Variants in MEIS2 observed in about 807,000 individuals in gnomAD.
The protein encoded by MEIS2 is Meis homeobox 2.
Under a neutral mutation model 58.6 loss-of-function variants are expected in MEIS2, and 9 were observed. That is an observed-to-expected ratio of 0.15 (90% confidence interval 0.09 to 0.27). The LOEUF is 0.27. Ranked by LOEUF, MEIS2 falls within the 10% of genes least tolerant of loss-of-function variation. MEIS2 has a pLI of 1.00. For synonymous variants in MEIS2, 221 were observed against 228.4 expected, an observed-to-expected ratio of 0.97 and a Z score of 0.29; for missense variants, 427 against 635.0, an observed-to-expected ratio of 0.67 and a Z score of 3.52.
At chr15:37,037,028 A>C (rs2062185660) in intron 7 of MEIS2, 69 bp from the exon 8 acceptor site, 1 of 1,461,256 alleles carries the variant, frequency 6.8e-7, no homozygotes, top group Non-Finnish European at 9.3e-7. Context: ...GCAGCTAATG[A>C]TGAGCTCAGC....
intron 7 of MEIS2, among the ~76,000 whole-genome samples, chr15:37,049,963 A>C (rs1261153086): frequency 6.6e-6 from 1 of 152,174 alleles, no homozygotes; most frequent in Admixed American, 6.6e-5. Flanking sequence ...GTATGGACAA[A>C]TATATGTACT....
intron 8 of MEIS2, among the ~76,000 whole-genome samples, chr15:37,033,742 G>T (rs902908591): frequency 5.9e-5 from 9 of 152,152 alleles, no homozygotes; most frequent in Admixed American, 6.5e-5. Flanking sequence ...GCCTGTTAGT[G>T]CATGTAAGAA....
Position 36,940,207 on chromosome 15 carries a change from C to T in MEIS2, c.977+10117G>A, listed in dbSNP as rs139645651. Among the ~76,000 whole-genome samples, 14 of 152,186 alleles carry T rather than the reference C, an allele frequency of 9.2e-5. No homozygotes were observed. The East Asian group carries it at 2.1e-3, about 23-fold the overall frequency. ...GAAAATCTATCTGAGCCTAATGTAA[C>T]CTAGCAAATCTTTCAAATGAAATAG... On this transcript the variant is annotated intron_variant, in intron 9 of 11. Coordinates refer to ENST00000561208, the MANE Select transcript of MEIS2 (RefSeq NM_170675.5).
At chr15:36,927,490 A>G (rs1595741705) in intron 9 of MEIS2, among the ~76,000 whole-genome samples, 1 of 152,176 alleles carries the variant, frequency 6.6e-6, no homozygotes, top group Non-Finnish European at 1.5e-5. Context: ...TAACATCTAC[A>G]TGTTGTTTAT....
chr15:37,034,820 C>T (rs1265336779), intron 8 of MEIS2, among the ~76,000 whole-genome samples: 3 of 152,232 alleles, frequency 2.0e-5, no homozygotes, highest in East Asian at 3.9e-4. Flanking sequence ...TAAAGGTGAT[C>T]GTCATTTTGG....
intron 9 of MEIS2, among the ~76,000 whole-genome samples, chr15:36,935,576 T>A (rs1013829084): frequency 1.3e-5 from 2 of 152,150 alleles, no homozygotes; most frequent in African/African-American, 4.8e-5. Context: ...AACAGCAATA[T>A]AAAGTTACGT....
rs554349045 is a variant in MEIS2, at chr15:36,914,625, T to C, written c.978-17939A>G. Among the ~76,000 whole-genome samples the C allele has an allele frequency of 2.0e-5, 3 of 152,180 alleles. No individual in the cohort carries two copies. In the South Asian group the frequency reaches 6.2e-4, roughly 32 times the overall value. On this transcript the variant is annotated intron_variant, in intron 9 of 11. Coordinates refer to ENST00000561208, the MANE Select transcript of MEIS2 (RefSeq NM_170675.5). Reference sequence around the variant, plus strand: ...TGGAGAATAAAACCAAAAGCTGAAGTGGAGCCGAGAGGGTGTGGCTTTCAT... The same window carrying C: ...TGGAGAATAAAACCAAAAGCTGAAGCGGAGCCGAGAGGGTGTGGCTTTCAT...
At chr15:37,042,606 T>A (rs1349820091) in intron 7 of MEIS2, among the ~76,000 whole-genome samples, 1 of 152,234 alleles carries the variant, frequency 6.6e-6, no homozygotes, top group Non-Finnish European at 1.5e-5. Flanking sequence ...GTCTGAACAC[T>A]GTTATCAATG....
chr15:36,951,549 A>G (rs535092859), intron 8 of MEIS2, among the ~76,000 whole-genome samples: 2 of 152,224 alleles, frequency 1.3e-5, no homozygotes, highest in East Asian at 1.9e-4. Context: ...TTCATCTTCT[A>G]TAATAGCGTA....
At chr15:37,013,600 T>C (rs1377369189) in intron 8 of MEIS2, among the ~76,000 whole-genome samples, 1 of 148,010 alleles carries the variant, frequency 6.8e-6, no homozygotes, top group Non-Finnish European at 1.5e-5. Flanking sequence ...ATATATATAA[T>C]ATTGCTAATA....
chr15:37,016,255 T>G (rs774550713), intron 8 of MEIS2, among the ~76,000 whole-genome samples: 51 of 152,170 alleles, frequency 3.4e-4, no homozygotes, highest in Admixed American at 2.6e-4. Context: ...CATGGCAAAC[T>G]AAGCTGCACA....
At chr15:36,906,537 A>G (rs912237827) in intron 9 of MEIS2, among the ~76,000 whole-genome samples, 1 of 151,860 alleles carries the variant, frequency 6.6e-6, no homozygotes, top group African/African-American at 2.4e-5. Context: ...AAAATTGGAA[A>G]TAGATGAGAA....
rs530145838 is a variant in MEIS2 at position 36,925,125 on chromosome 15, C to CA, written c.977+25198dup. On this transcript the variant is annotated intron_variant, in intron 9 of 11. Coordinates refer to ENST00000561208, the MANE Select transcript of MEIS2 (RefSeq NM_170675.5). ...GTTCTTTGTAAGGGCAGCCCTAGCTCAAAAAAACAAAAACAAAAACAAAAC... is the reference window on the plus strand; with the variant it reads ...GTTCTTTGTAAGGGCAGCCCTAGCTCAAAAAAAACAAAAACAAAAACAAAAC... Among the ~76,000 whole-genome samples, 7 of 149,660 alleles carry CA rather than the reference C, an allele frequency of 4.7e-5. No individual in the cohort carries two copies. The East Asian group carries it at 5.9e-4, about 13-fold the overall frequency.
intron 6 of MEIS2, 130 bp from the exon 7 acceptor site, chr15:37,084,015 G>C: frequency 1.5e-6 from 1 of 671,242 alleles, no homozygotes; most frequent in East Asian, 2.7e-5. Flanking sequence ...AGGCATATAC[G>C]CATGCCATGT....
chr15:36,892,424 C>A lies in MEIS2; in HGVS notation c.1183G>T (p.Gly395Cys). Residue 395 changes from glycine to cysteine, a missense_variant, in exon 12 of 12, where the codon GGT becomes TGT. Physicochemically the swap from Gly to Cys is radical, Grantham distance 159. This residue lies in a region of MEIS2 where 154 missense variants were observed against 148.1 expected (regional missense o/e 1.04). Transcript: ENST00000561208. ...GCCATACTCATTCCCATAGGACCAC[C>A]CTGAGAAACGTAGTCCCCTGGCATG... ...QSMPGDYVSQ[G>C]GPMGMSMAQP... 1 of 1,613,232 alleles carries A rather than the reference C, an allele frequency of 6.2e-7. No homozygotes were observed. Among genetic ancestry groups the A allele is most frequent in the Non-Finnish European group, 8.5e-7 (1 of 1,179,830 alleles).
chr15:36,974,436 C>G (rs2141479201), intron 8 of MEIS2, among the ~76,000 whole-genome samples: 1 of 152,258 alleles, frequency 6.6e-6, no homozygotes, highest in South Asian at 2.1e-4. Flanking sequence ...TTTGGTTTAT[C>G]AACATTTCAA....
chr15:37,066,989 C>T (rs1368658572), intron 7 of MEIS2, among the ~76,000 whole-genome samples: 2 of 151,782 alleles, frequency 1.3e-5, no homozygotes, highest in Non-Finnish European at 2.9e-5. Context: ...CTTTGTTGCC[C>T]AGCCTAGTCT....
chr15:36,979,645 A>T (rs916645822), intron 8 of MEIS2, among the ~76,000 whole-genome samples: 1 of 149,852 alleles, frequency 6.7e-6, no homozygotes, highest in East Asian at 1.9e-4. Flanking sequence ...AATAACCTGT[A>T]TGTAATTAAA....
chr15:36,970,236 T>C (rs535480655), intron 8 of MEIS2, among the ~76,000 whole-genome samples: 1 of 152,164 alleles, frequency 6.6e-6, no homozygotes, highest in Non-Finnish European at 1.5e-5. Context: ...ACCCCGTCTC[T>C]ACTAAAAATA....
Sources: gnomAD v4.1 joint callset for allele counts (sites outside exome capture counted in the v4.1 genomes callset) on GRCh38, gnomAD v4.1.1 for gene constraint, gnomAD v4.1.1 regional missense constraint, MANE v1.5 for transcripts, NCBI Gene and HGNC (gene_info 2026-07-23, HGNC 2026-07-21) for gene names.